The following ASXL3 variants were observed in gnomAD, a reference collection of about 807,000 sequenced individuals.
ASXL3 encodes the protein putative Polycomb group protein ASXL3.
Under a neutral mutation model 170.6 loss-of-function variants are expected in ASXL3, and 34 were observed. The observed-to-expected ratio is 0.20, with a 90% CI of 0.15 to 0.27. ASXL3 has a LOEUF of 0.27. Among genes scored for constraint, ASXL3 ranks in the 10% least tolerant of loss-of-function variants. The pLI, the probability that ASXL3 is intolerant of heterozygous loss-of-function variation, is 1.00. For synonymous variants in ASXL3, 1,002 were observed against 989.1 expected (o/e 1.01, Z -0.24); for missense variants, 2,592 against 2,695.3 (o/e 0.96, Z 0.85).
chr18:33,643,345 A>G (rs1426038088), intron 2 of ASXL3, among the ~76,000 whole-genome samples: 1 of 151,866 alleles, frequency 6.6e-6, no homozygotes, highest in Non-Finnish European at 1.5e-5. Flanking sequence ...TACGAGAAAA[A>G]TATTTTGTGA....
At chr18:33,638,600 A>G (rs1253001793) in intron 2 of ASXL3, among the ~76,000 whole-genome samples, 2 of 152,214 alleles carry the variant, frequency 1.3e-5, no homozygotes, top group African/African-American at 4.8e-5. Context: ...TAAATAGAGG[A>G]GGCAGTTCTA....
In ASXL3 at chr18:33,750,903, T is replaced by C. The variant is rs2067875866; in HGVS notation, c.*4308T>C. On this transcript the variant is annotated 3_prime_UTR_variant, in exon 12 of 12. Transcript: ENST00000269197. ...GACAATTTAATACTGTTACGCTTGC[T>C]TTGATACCTGACTAAATGTGACTGA... 1 of 152,224 alleles carries C rather than the reference T, an allele frequency of 6.6e-6. No individual in the cohort carries two copies. Among genetic ancestry groups the C allele is most frequent in the African/African-American group, 2.4e-5 (1 of 41,470 alleles). The allele number at this position is 152,224 out of a possible 1,614,324, so 9.4% of individuals were successfully genotyped here.
At chr18:33,585,627 A>G (rs1485965127) in intron 1 of ASXL3, among the ~76,000 whole-genome samples, 2 of 152,194 alleles carry the variant, frequency 1.3e-5, no homozygotes, top group Non-Finnish European at 2.9e-5. Flanking sequence ...ACGTAGTTTT[A>G]AGGCAAATTT....
At chr18:33,707,378 T>A (rs1011269008) in intron 8 of ASXL3, among the ~76,000 whole-genome samples, 5 of 151,956 alleles carry the variant, frequency 3.3e-5, no homozygotes, top group African/African-American at 9.7e-5. Context: ...TTTATTTAGG[T>A]CTTCCTTAAT....
At chr18:33,589,144 C>T (rs566547006) in intron 1 of ASXL3, among the ~76,000 whole-genome samples, 1 of 152,168 alleles carries the variant, frequency 6.6e-6, no homozygotes, top group Non-Finnish European at 1.5e-5. Flanking sequence ...AAGTCTGCCA[C>T]TTACTATGTG....
In ASXL3 at chr18:33,745,889, T is replaced by C. The variant is rs766886126; in HGVS notation, c.6041T>C (p.Leu2014Pro). 3.1e-6 allele frequency: 5 copies of C among 1,612,854 alleles called. No homozygotes were observed. In the East Asian group the frequency reaches 1.1e-4, roughly 36 times the overall value. Residue 2014 changes from leucine to proline, a missense_variant, in exon 12 of 12, where the codon CTA becomes CCA. Physicochemically the swap from Leu to Pro is moderately conservative, Grantham distance 98 (BLOSUM62 -3). Around this residue, in one of 4 missense-constraint regions of ASXL3, gnomAD observed 2,246 missense variants for 2,219.6 expected, o/e 1.01. Transcript: ENST00000269197. ...GTAHTMPNKA[L>P]VHPPPPPPPP... The stretch of plus-strand genomic sequence containing the variant: ...GCACACACAATGCCAAACAAAGCAC[T>C]AGTACATCCGCCGCCGCCACCGCCT...
chr18:33,733,990 A>G (rs1049380688), intron 9 of ASXL3, among the ~76,000 whole-genome samples: 1 of 151,952 alleles, frequency 6.6e-6, no homozygotes, highest in African/African-American at 2.4e-5. Flanking sequence ...CCTTAAGGAC[A>G]GTGAATATAC....
At chr18:33,655,776 A>G (rs961122241) in intron 4 of ASXL3, among the ~76,000 whole-genome samples, 1 of 152,106 alleles carries the variant, frequency 6.6e-6, no homozygotes, top group Non-Finnish European at 1.5e-5. Flanking sequence ...TGTAAATACT[A>G]TACATAAAAC....
intron 7 of ASXL3, among the ~76,000 whole-genome samples, chr18:33,681,610 A>T (rs1024784672): frequency 6.6e-6 from 1 of 151,740 alleles, no homozygotes; most frequent in Non-Finnish European, 1.5e-5. Flanking sequence ...TACTCCTTTT[A>T]TTATTGATGT....
chr18:33,647,864 G>C (rs1353588737), intron 4 of ASXL3, among the ~76,000 whole-genome samples: 1 of 152,024 alleles, frequency 6.6e-6, no homozygotes, highest in Admixed American at 6.6e-5. Context: ...ATAAGGGAGT[G>C]GGGGAGTAGG....
chr18:33,707,257 G>A (rs1208767901), intron 8 of ASXL3, among the ~76,000 whole-genome samples: 1 of 151,904 alleles, frequency 6.6e-6, no homozygotes, highest in Non-Finnish European at 1.5e-5. Flanking sequence ...GTTCCTAAAA[G>A]CACAGGAATT....
intron 2 of ASXL3, among the ~76,000 whole-genome samples, chr18:33,637,046 G>A (rs1450484970): frequency 3.3e-5 from 5 of 152,112 alleles, no homozygotes; most frequent in African/African-American, 4.8e-5. Context: ...CTTCCTGGAT[G>A]TGTTTTTCAA....
intron 8 of ASXL3, among the ~76,000 whole-genome samples, chr18:33,711,273 T>C (rs2067057524): frequency 6.6e-6 from 1 of 152,196 alleles, no homozygotes; most frequent in South Asian, 2.1e-4. Flanking sequence ...TCACATTTGC[T>C]TTCTCTTTTT....
At chr18:33,736,588 A>C (rs1348271284) in intron 10 of ASXL3, among the ~76,000 whole-genome samples, 1 of 152,078 alleles carries the variant, frequency 6.6e-6, no homozygotes, top group Non-Finnish European at 1.5e-5. Context: ...AAACATTCAT[A>C]CTAGTGTGCA....
chr18:33,712,926 C>T (rs188112422), intron 8 of ASXL3, among the ~76,000 whole-genome samples: 42 of 152,206 alleles, frequency 2.8e-4, no homozygotes, highest in African/African-American at 9.9e-4. Context: ...TCTGTTTCTT[C>T]TTTTTGTCCC....
chr18:33,607,626 A>G lies in ASXL3; in HGVS notation c.87A>G (p.Thr29=). The G allele has an allele frequency of 6.3e-7, 1 of 1,590,820 alleles. No homozygotes were observed. Among genetic ancestry groups the G allele is most frequent in the African/African-American group, 1.3e-5 (1 of 74,460 alleles). ...AAAAACACCCCAACTCACCAATGAC[A>G]GCAAAGCAGATATTGGAAGTCATTC... ...ALEKHPNSPM[T]AKQILEVIQK... The change falls in exon 2 of 12, where the codon ACA becomes ACG. Residue 29 remains threonine, a synonymous_variant. Coordinates refer to ENST00000269197, the MANE Select transcript of ASXL3 (RefSeq NM_030632.3).
chr18:33,639,293 G>T (rs1207624550), intron 2 of ASXL3, among the ~76,000 whole-genome samples: 1 of 152,104 alleles, frequency 6.6e-6, no homozygotes, highest in Non-Finnish European at 1.5e-5. Flanking sequence ...ACCTAGAGAA[G>T]TCCAATGTGA....
intron 2 of ASXL3, among the ~76,000 whole-genome samples, chr18:33,620,972 GTTGT>G (rs1480936347): frequency 1.3e-5 from 2 of 152,144 alleles, no homozygotes; most frequent in African/African-American, 4.8e-5. Flanking sequence ...ACCATTTACT[GTTGT>G]TTATTACTAT....
At chr18:33,720,339 T>C (rs1475497662) in intron 8 of ASXL3, among the ~76,000 whole-genome samples, 2 of 152,058 alleles carry the variant, frequency 1.3e-5, no homozygotes, top group Non-Finnish European at 2.9e-5. Flanking sequence ...TTCAGTGTAT[T>C]ACAAATGGAA....
Sources: allele counts gnomAD v4.1 joint callset (sites outside exome capture counted in the v4.1 genomes callset), GRCh38; gene constraint gnomAD v4.1.1; regional missense constraint gnomAD v4.1.1; transcripts MANE v1.5; gene names NCBI Gene and HGNC (gene_info 2026-07-23, HGNC 2026-07-21).